Variants in HDAC9 observed in about 807,000 individuals in gnomAD.
HDAC9 encodes MEF-2 interacting transcription repressor (MITR) protein.
HDAC9 carries 41 observed loss-of-function variants against 139.4 expected under a neutral mutation model. The ratio of observed to expected loss-of-function variants is 0.29; its 90% confidence interval spans 0.23 to 0.38. The LOEUF is 0.38. Among genes scored for constraint, HDAC9 ranks in the 10% least tolerant of loss-of-function variants. HDAC9 has a pLI of 1.00. For synonymous variants in HDAC9, 517 were observed against 476.2 expected, an observed-to-expected ratio of 1.09 and a Z score of -1.12; for missense variants, 1,147 against 1,297.0, an observed-to-expected ratio of 0.88 and a Z score of 1.78.
intron 1 of HDAC9, among the ~76,000 whole-genome samples, chr7:18,145,363 T>A (rs1366954031): frequency 1.1e-4 from 16 of 152,182 alleles, no homozygotes. Flanking sequence ...TGGCATTGGG[T>A]GCAGTTATAT....
At chr7:18,622,851 G>C (rs574891672) in intron 6 of HDAC9, among the ~76,000 whole-genome samples, 48 of 151,930 alleles carry the variant, frequency 3.2e-4, no homozygotes, top group Middle Eastern at 3.4e-3. Flanking sequence ...CTAGGATTAA[G>C]AGTGAACAGA....
At chr7:18,294,555 A>T (rs1438704389) in intron 1 of HDAC9, among the ~76,000 whole-genome samples, 2 of 152,124 alleles carry the variant, frequency 1.3e-5, no homozygotes, top group African/African-American at 4.8e-5. Flanking sequence ...TTTGAGAAAG[A>T]GAGTAAAGGT....
At chr7:18,908,460 T>C (rs570893328) in intron 22 of HDAC9, among the ~76,000 whole-genome samples, 6 of 152,250 alleles carry the variant, frequency 3.9e-5, no homozygotes, top group African/African-American at 1.2e-4. Context: ...GTAGTCACTC[T>C]ACAGTGTTGT....
At chr7:18,810,681 G>T (rs1794104933) in intron 17 of HDAC9, among the ~76,000 whole-genome samples, 1 of 151,818 alleles carries the variant, frequency 6.6e-6, no homozygotes. Context: ...CCTGGTAGTA[G>T]ACCTAGATCA....
intron 1 of HDAC9, among the ~76,000 whole-genome samples, chr7:18,394,218 A>C (rs1786811759): frequency 6.6e-6 from 1 of 152,148 alleles, no homozygotes; most frequent in Non-Finnish European, 1.5e-5. Flanking sequence ...TGTTAAAGGG[A>C]CACTCAAAGG....
chr7:18,737,748 G>A (rs1000316224), intron 13 of HDAC9, among the ~76,000 whole-genome samples: 2 of 152,196 alleles, frequency 1.3e-5, no homozygotes, highest in African/African-American at 4.8e-5. Context: ...GATTTGGGGT[G>A]GAGAGTTCTG....
chr7:18,765,712 T>G (rs1789776229), intron 15 of HDAC9, among the ~76,000 whole-genome samples: 1 of 152,342 alleles, frequency 6.6e-6, no homozygotes, highest in African/African-American at 2.4e-5. Flanking sequence ...TCACAGGTGA[T>G]ATATGAATAT....
intron 12 of HDAC9, among the ~76,000 whole-genome samples, chr7:18,671,701 T>A (rs1040490134): frequency 6.6e-6 from 1 of 151,976 alleles, no homozygotes; most frequent in Non-Finnish European, 1.5e-5. Context: ...AAAAAAATCT[T>A]GTACCAACTA....
intron 1 of HDAC9, among the ~76,000 whole-genome samples, chr7:18,334,419 G>T (rs1781434440): frequency 1.3e-5 from 2 of 151,388 alleles, no homozygotes; most frequent in African/African-American, 4.8e-5. Context: ...AGCTATTCCT[G>T]CAGGAAAATA....
chr7:18,739,140 T>C (rs1787207079), intron 13 of HDAC9, among the ~76,000 whole-genome samples: 2 of 152,236 alleles, frequency 1.3e-5, no homozygotes, highest in African/African-American at 4.8e-5. Context: ...TCTACACTGT[T>C]TATTCTAGTT....
Position 18,526,821 on chromosome 7 carries a change from G to T in HDAC9, c.22+30497G>T, listed in dbSNP as rs190885969. Among the ~76,000 whole-genome samples, 5 of 152,254 alleles carry T rather than the reference G, an allele frequency of 3.3e-5. No homozygotes were observed. In the East Asian group the frequency reaches 9.6e-4, roughly 29 times the overall value. On this transcript the variant is annotated intron_variant, in intron 2 of 25. Transcript: ENST00000686413. The stretch of plus-strand genomic sequence containing the variant: ...TGAGAGAAAAGGATAGATAGGGTCA[G>T]ATAGGAGCATGGAGCATAGTAACTA...
chr7:18,271,140 G>A (rs1467005928), intron 2 of HDAC9, among the ~76,000 whole-genome samples: 1 of 152,120 alleles, frequency 6.6e-6, no homozygotes, highest in South Asian at 2.1e-4. Context: ...TATTCCTTGT[G>A]ATTATCTCAT....
At chr7:18,737,873 A>G (rs920672380) in intron 13 of HDAC9, among the ~76,000 whole-genome samples, 1 of 152,138 alleles carries the variant, frequency 6.6e-6, no homozygotes, top group African/African-American at 2.4e-5. Context: ...AAAGTCTCCC[A>G]TTATTATTGT....
intron 22 of HDAC9, among the ~76,000 whole-genome samples, chr7:18,926,650 A>G (rs908601224): frequency 6.6e-6 from 1 of 152,148 alleles, no homozygotes; most frequent in African/African-American, 2.4e-5. Flanking sequence ...GAATGGATGG[A>G]TGGATGGATT....
intron 2 of HDAC9, among the ~76,000 whole-genome samples, chr7:18,237,909 T>A (rs1220675407): frequency 6.6e-6 from 1 of 152,210 alleles, no homozygotes; most frequent in Non-Finnish European, 1.5e-5. Flanking sequence ...AGGTAGGTGA[T>A]CATCAGAAGC....
At chr7:18,334,110 T>G (rs1781412304) in intron 1 of HDAC9, among the ~76,000 whole-genome samples, 1 of 151,390 alleles carries the variant, frequency 6.6e-6, no homozygotes, top group Non-Finnish European at 1.5e-5. Flanking sequence ...TTTCAAATTT[T>G]CAAGAGATAA....
chr7:18,798,080 G>C (rs1381002960), intron 17 of HDAC9, among the ~76,000 whole-genome samples: 1 of 151,794 alleles, frequency 6.6e-6, no homozygotes, highest in African/African-American at 2.4e-5. Context: ...GTTGTTTCCA[G>C]GTTTTTGCTT....
In HDAC9 at chr7:18,935,509, T is replaced by A. The variant is rs138513538; in HGVS notation, c.2804-300T>A. On this transcript the variant is annotated intron_variant, in intron 22 of 25. Transcript: ENST00000686413. The stretch of plus-strand genomic sequence containing the variant: ...CCTGCTGAAGAGTATTCAGTTTTTT[T>A]ATCCAGATACATACAGACCATGTTA... Among the ~76,000 whole-genome samples the A allele has an allele frequency of 3.7e-3, 563 of 152,288 alleles. 4 individuals are homozygous for A. The highest frequency in any genetic ancestry group is 0.013 in the African/African-American group (540 of 41,566).
intron 12 of HDAC9, among the ~76,000 whole-genome samples, chr7:18,674,793 T>C (rs1781397819): frequency 6.6e-6 from 1 of 152,058 alleles, no homozygotes; most frequent in African/African-American, 2.4e-5. Flanking sequence ...CCTAGTAATA[T>C]ATTTTTTAAA....
Sources: allele counts gnomAD v4.1 joint callset (sites outside exome capture counted in the v4.1 genomes callset), GRCh38; gene constraint gnomAD v4.1.1; transcripts MANE v1.5; gene names NCBI Gene and HGNC (gene_info 2026-07-23, HGNC 2026-07-21).